The following ARHGAP42 variants were observed in gnomAD, a reference collection of about 807,000 sequenced individuals.
ARHGAP42 encodes Rho GTPase activating protein 42.
In ARHGAP42, 63 loss-of-function variants were observed where a neutral mutation model predicts 125.0. That is an observed-to-expected ratio of 0.50 (90% CI 0.41 to 0.62). The LOEUF (loss-of-function observed/expected upper bound fraction) is 0.62, where lower values mean the gene tolerates loss of function less well. ARHGAP42 is among the 20% of genes least tolerant of loss of function. The pLI, the probability that ARHGAP42 is intolerant of heterozygous loss-of-function variation, is 0.00. For synonymous variants in ARHGAP42, 339 were observed against 351.0 expected (o/e 0.97, Z 0.38); for missense variants, 766 against 1,024.2 (o/e 0.75, Z 3.44).
At chr11:100,892,374 A>T (rs1866240316) in intron 4 of ARHGAP42, among the ~76,000 whole-genome samples, 1 of 152,090 alleles carries the variant, frequency 6.6e-6, no homozygotes, top group South Asian at 2.1e-4. Context: ...GTAGCTCTTG[A>T]TGGGATCAAA....
At chr11:100,870,323 T>C (rs1865667638) in intron 4 of ARHGAP42, among the ~76,000 whole-genome samples, 1 of 152,214 alleles carries the variant, frequency 6.6e-6, no homozygotes. Context: ...ACAATTTCCC[T>C]GTGAACTTTG....
intron 4 of ARHGAP42, among the ~76,000 whole-genome samples, chr11:100,862,861 G>T (rs614686): frequency 0.02 from 2,991 of 151,768 alleles, 94 homozygotes; most frequent in African/African-American, 0.069. Flanking sequence ...TGGAGAAACC[G>T]CATCCTCTAC....
intron 4 of ARHGAP42, among the ~76,000 whole-genome samples, chr11:100,873,789 G>A (rs964091573): frequency 6.6e-6 from 1 of 152,126 alleles, no homozygotes; most frequent in African/African-American, 2.4e-5. Context: ...AATGTAATTT[G>A]CCTAAGATTA....
chr11:100,846,258 A>G (rs1343451327), intron 3 of ARHGAP42, among the ~76,000 whole-genome samples: 1 of 152,152 alleles, frequency 6.6e-6, no homozygotes, highest in Non-Finnish European at 1.5e-5. Context: ...AAAGAGACAA[A>G]GGGTATCTTC....
At chr11:100,836,109 A>G (rs934346502) in intron 3 of ARHGAP42, among the ~76,000 whole-genome samples, 18 of 152,122 alleles carry the variant, frequency 1.2e-4, no homozygotes, top group African/African-American at 4.3e-4. Context: ...AGTCAGTCAA[A>G]TCTCATCCTC....
intron 1 of ARHGAP42, among the ~76,000 whole-genome samples, chr11:100,691,302 T>G (rs376518447): frequency 0.12 from 4 of 34 alleles, no homozygotes; most frequent in African/African-American, 0.17. Context: ...TGCTTATTAA[T>G]TTTTTTTTCC....
intron 2 of ARHGAP42, among the ~76,000 whole-genome samples, chr11:100,778,559 T>C (rs1863187535): frequency 6.6e-6 from 1 of 152,076 alleles, no homozygotes; most frequent in Non-Finnish European, 1.5e-5. Flanking sequence ...ATTATTGTTT[T>C]CCTGTTTTTT....
At chr11:100,923,261 G>T (rs1002856732) in intron 6 of ARHGAP42, among the ~76,000 whole-genome samples, 3 of 152,244 alleles carry the variant, frequency 2.0e-5, no homozygotes, top group South Asian at 2.1e-4. Flanking sequence ...TGGGATTTTT[G>T]AATTTCAGCT....
chr11:100,756,649 A>G (rs1862584631), intron 1 of ARHGAP42, among the ~76,000 whole-genome samples: 1 of 152,208 alleles, frequency 6.6e-6, no homozygotes, highest in Non-Finnish European at 1.5e-5. Context: ...CATTTGTATG[A>G]AAGTCTCTTT....
intron 4 of ARHGAP42, among the ~76,000 whole-genome samples, chr11:100,905,789 C>T (rs192714422): frequency 6.8e-6 from 1 of 146,480 alleles, no homozygotes; most frequent in African/African-American, 2.6e-5. Context: ...CCAGCCTGGC[C>T]AACGTAGCAA....
At chr11:100,906,685 G>A (rs1175697928) in intron 4 of ARHGAP42, among the ~76,000 whole-genome samples, 1 of 151,924 alleles carries the variant, frequency 6.6e-6, no homozygotes, top group Non-Finnish European at 1.5e-5. Context: ...ATGGGCTTCT[G>A]ATATCCTTCT....
At chr11:100,862,014 A>G (rs1865455386) in intron 4 of ARHGAP42, among the ~76,000 whole-genome samples, 1 of 152,180 alleles carries the variant, frequency 6.6e-6, no homozygotes, top group African/African-American at 2.4e-5. Context: ...GAAGGAAGGA[A>G]CAAAAGAAAG....
chr11:100,725,576 T>G (rs1023764697), intron 1 of ARHGAP42, among the ~76,000 whole-genome samples: 2 of 151,994 alleles, frequency 1.3e-5, no homozygotes, highest in East Asian at 3.9e-4. Context: ...GAGGATCATT[T>G]GAGGCCAAGA....
chr11:100,776,765 C>T (rs1374806433), intron 2 of ARHGAP42, among the ~76,000 whole-genome samples: 1 of 152,012 alleles, frequency 6.6e-6, no homozygotes, highest in African/African-American at 2.4e-5. Context: ...GGCAGATCAC[C>T]TCAGGTCAGG....
In ARHGAP42 at chr11:100,796,648, A is replaced by G. The variant is rs185184777; in HGVS notation, c.312+1482A>G. Reference sequence around the variant, plus strand: ...GTCTATTAAACCCACAAATGATAAGAAAACAAAACAGCACTATTACTAATA... The same window carrying G: ...GTCTATTAAACCCACAAATGATAAGGAAACAAAACAGCACTATTACTAATA... On this transcript the variant is annotated intron_variant, in intron 3 of 23. Coordinates refer to ENST00000298815, the MANE Select transcript of ARHGAP42 (RefSeq NM_152432.4). 3.3e-4 allele frequency among the ~76,000 whole-genome samples: 51 copies of G among 152,334 alleles called. 1 individual carries two copies. In the East Asian group the frequency reaches 5.6e-3, roughly 17 times the overall value.
rs1330982888 is a variant in ARHGAP42, at chr11:100,687,458, G to T, written c.-221G>T. On this transcript the variant is annotated 5_prime_UTR_variant, in exon 1 of 24. Transcript: ENST00000298815. ...CCTGAGGGGACTCGCGCCTCGGCCC[G>T]CCGCCCGCGCCTGCGCTCGCCTAGC... Among the ~76,000 whole-genome samples, 1 of 151,806 alleles carries T rather than the reference G, an allele frequency of 6.6e-6. No homozygotes were observed. Among genetic ancestry groups the T allele is most frequent in the East Asian group, 1.9e-4 (1 of 5,134 alleles).
chr11:100,825,807 T>C (rs180825717), intron 3 of ARHGAP42, among the ~76,000 whole-genome samples: 1 of 152,288 alleles, frequency 6.6e-6, no homozygotes, highest in Admixed American at 6.5e-5. Context: ...AGTGTGCATG[T>C]GTTTTATGAC....
At chr11:100,987,638 G>A in intron 23 of ARHGAP42, 46 bp downstream of exon 23, 2 of 1,500,184 alleles carry the variant, frequency 1.3e-6, no homozygotes, top group South Asian at 1.2e-5. Context: ...TCATGGGGAG[G>A]ATGAAGGAAT....
chr11:100,802,534 C>T (rs1260858252), intron 3 of ARHGAP42, among the ~76,000 whole-genome samples: 3 of 149,478 alleles, frequency 2.0e-5, no homozygotes, highest in Admixed American at 6.8e-5. Context: ...AAGTGATTTT[C>T]GTGCCTCAGC....
Sources: gnomAD v4.1 joint callset for allele counts (sites outside exome capture counted in the v4.1 genomes callset) on GRCh38, gnomAD v4.1.1 for gene constraint, MANE v1.5 for transcripts, NCBI Gene and HGNC (gene_info 2026-07-23, HGNC 2026-07-21) for gene names.